CACNA1B: variants seen among roughly 807,000 people sequenced by gnomAD.
CACNA1B encodes the protein voltage-dependent N-type calcium channel subunit alpha-1B.
Under a neutral mutation model 247.2 loss-of-function variants are expected in CACNA1B, and 70 were observed. The ratio of observed to expected loss-of-function variants is 0.28; its 90% CI spans 0.23 to 0.35. The LOEUF (loss-of-function observed/expected upper bound fraction) is 0.35. Among genes scored for constraint, CACNA1B ranks in the 10% least tolerant of loss-of-function variants. CACNA1B has a pLI of 1.00. For synonymous variants in CACNA1B, 1,231 were observed against 1,294.4 expected (o/e 0.95, Z 1.05); for missense variants, 2,367 against 3,197.4 (o/e 0.74, Z 6.26).
At chr9:137,960,412 GAGGGGAGGTCAGCCTGAGAGAC>G (rs1958004146) in intron 10 of CACNA1B, among the ~76,000 whole-genome samples, 1 of 7,628 alleles carries the variant, frequency 1.3e-4, no homozygotes, top group East Asian at 4.8e-3. Flanking sequence ...GGGGGAGGGG[GAGGGGAGGTCAGCCTGAGAGAC>G]GGAGGGGGAG....
chr9:138,015,065 G>A lies in CACNA1B; in HGVS notation c.2267+1830G>A, dbSNP rs111759894. Among the ~76,000 whole-genome samples, 1,390 of 152,214 alleles carry A rather than the reference G, an allele frequency of 9.1e-3. 8 individuals carry two copies. The highest frequency in any genetic ancestry group is 0.012 in the South Asian group (60 of 4,820). On this transcript the variant is annotated intron_variant, in intron 18 of 46. Coordinates refer to ENST00000371372, the MANE Select transcript of CACNA1B (RefSeq NM_000718.4). ...GGAAAGAGCTTCTTTTTTCCCGGGG[G>A]ACCCCTAGGTGTTCTGCCTCACGGT...
rs998482525 is a variant in CACNA1B at position 138,059,561 on chromosome 9, C to T, written c.4585-93C>T. 4.8e-5 allele frequency: 38 copies of T among 795,246 alleles called. No individual in the cohort carries two copies. The highest frequency in any genetic ancestry group is 4.0e-4 in the South Asian group (27 of 67,008). The allele number at this position is 795,246 out of a possible 1,614,324, so 49.3% of individuals were successfully genotyped here. Reference sequence around the variant, plus strand: ...TGTGCTCAGGGTCTATCACCCTCACCGCTTTCTTAATCAGGGCCACCACCT... The same window carrying T: ...TGTGCTCAGGGTCTATCACCCTCACTGCTTTCTTAATCAGGGCCACCACCT... On this transcript the variant is annotated intron_variant, in intron 30 of 46. Coordinates refer to ENST00000371372, the MANE Select transcript of CACNA1B (RefSeq NM_000718.4). This position sits in a 1 kb window ranked among gnomAD's most constrained non-coding sequence, Gnocchi z 4.2.
At chr9:137,903,375 A>T (rs1483674737) in intron 3 of CACNA1B, among the ~76,000 whole-genome samples, 4 of 151,892 alleles carry the variant, frequency 2.6e-5, no homozygotes, top group African/African-American at 9.7e-5. Context: ...AGAGAGCGAG[A>T]CTCCATCTCA....
intron 36 of CACNA1B, among the ~76,000 whole-genome samples, chr9:138,079,831 C>T (rs1421682558): frequency 4.7e-5 from 7 of 147,804 alleles, no homozygotes; most frequent in East Asian, 4.0e-4. Flanking sequence ...GCCAAAATTG[C>T]GCCACTATAC....
At chr9:137,944,412 A>C (rs1223204890) in intron 6 of CACNA1B, among the ~76,000 whole-genome samples, 1 of 152,180 alleles carries the variant, frequency 6.6e-6, no homozygotes, top group Non-Finnish European at 1.5e-5. Flanking sequence ...GGAGAGCCTC[A>C]AGAAACTTAG....
At position 137,973,920 on chromosome 9, in the gene CACNA1B, G is replaced by T. The variant is rs193000398; in HGVS notation, c.1544-1987G>T. 1.6e-4 allele frequency among the ~76,000 whole-genome samples: 25 copies of T among 152,236 alleles called. No individual in the cohort carries two copies. The highest frequency in any genetic ancestry group is 5.8e-4 in the African/African-American group (24 of 41,524). On this transcript the variant is annotated intron_variant, in intron 11 of 46. Coordinates refer to ENST00000371372, the MANE Select transcript of CACNA1B (RefSeq NM_000718.4). The surrounding 1 kb of genome is among the most constrained non-coding windows in gnomAD (Gnocchi z 4.1). ...TTCCTTGCAAAGTGCTCTCACTTTG[G>T]TCTCCTGGGGAGCAAGGTGTGTGCC...
In CACNA1B at chr9:138,073,503, C is replaced by G; in HGVS notation, c.4690C>G (p.Leu1564Val). Residue 1564 changes from leucine (L) to valine (V), a missense_variant, in exon 33 of 47, where the codon CTC (leucine) becomes GTC (valine). By Grantham distance (32) the Leu-to-Val change is conservative. Transcript: ENST00000371372. The surrounding 1 kb of genome is among the most constrained non-coding windows in gnomAD (Gnocchi z 6.4). ...TTCTCTGCAGAACAATTTCATCAAC[C>G]TCAGCTTCCTCCGCCTCTTTCGAGC... ...EIAETNNFINLSFLRLFRAAR... is the reference protein window; with the variant it reads ...EIAETNNFINVSFLRLFRAAR... 6.2e-7 allele frequency: 1 copy of G among 1,611,216 alleles called. No individual in the cohort carries two copies. The highest frequency in any genetic ancestry group is 8.5e-7 in the Non-Finnish European group (1 of 1,177,450).
In CACNA1B at chr9:138,100,036, G is replaced by A. The variant is rs746672288; in HGVS notation, c.5223-2675G>A. Among the ~76,000 whole-genome samples, 31 of 152,282 alleles carry A rather than the reference G, an allele frequency of 2.0e-4. No homozygotes were observed. The highest frequency in any genetic ancestry group is 4.3e-4 in the Non-Finnish European group (29 of 68,056). ...TTGGCAGTGAGACCACATGGTGACT[G>A]TAGCTCAAGGCCAGGGCATTTCTGA... On this transcript the variant is annotated intron_variant, in intron 37 of 46. Transcript: ENST00000371372. The surrounding 1 kb of genome is among the most constrained non-coding windows in gnomAD (Gnocchi z 4.6).
chr9:138,015,212 A>G (rs1173211468), intron 18 of CACNA1B, among the ~76,000 whole-genome samples: 1 of 152,014 alleles, frequency 6.6e-6, no homozygotes, highest in East Asian at 1.9e-4. Context: ...GTCAGCCCCC[A>G]TGGTCCCTGC....
intron 32 of CACNA1B, among the ~76,000 whole-genome samples, chr9:138,071,478 G>C (rs1960131206): frequency 6.6e-6 from 1 of 152,162 alleles, no homozygotes. Context: ...CTGGCATGGT[G>C]CTCGGCCTGC....
chr9:137,984,044 G>A (rs913929020), intron 12 of CACNA1B, 94 bp from the exon 13 acceptor site: 6 of 875,162 alleles, frequency 6.9e-6, no homozygotes, highest in African/African-American at 3.3e-5. Flanking sequence ...GGTTCCTTAC[G>A]GAGAGGTGCA....
At chr9:137,894,339 T>C (rs1957147212) in intron 3 of CACNA1B, among the ~76,000 whole-genome samples, 1 of 148,210 alleles carries the variant, frequency 6.7e-6, no homozygotes, top group Non-Finnish European at 1.5e-5. Context: ...CTGATAGATA[T>C]GTCGTGATCG....
At position 138,102,788 on chromosome 9, in the gene CACNA1B, C is replaced by G; in HGVS notation, c.5300C>G (p.Pro1767Arg). ...SPPLGLGKKCPARVAYKRLVR... is the reference protein window; with the variant it reads ...SPPLGLGKKCRARVAYKRLVR... Reference sequence around the variant, plus strand: ...CCTCTGGGGCTGGGGAAGAAATGCCCTGCTCGAGTTGCTTACAAGGTAGAC... The same window carrying G: ...CCTCTGGGGCTGGGGAAGAAATGCCGTGCTCGAGTTGCTTACAAGGTAGAC... Residue 1767 changes from proline to arginine, a missense_variant, in exon 38 of 47, where the codon CCT (proline) becomes CGT (arginine). Around this residue, in one of 12 missense-constraint regions of CACNA1B, gnomAD observed 55 missense variants for 107.8 expected, o/e 0.51. Transcript: ENST00000371372. This position sits in a 1 kb window ranked among gnomAD's most constrained non-coding sequence, Gnocchi z 5.4. 1 of 1,611,644 alleles carries G rather than the reference C, an allele frequency of 6.2e-7. No homozygotes were observed. The highest frequency in any genetic ancestry group is 2.2e-5 in the East Asian group (1 of 44,806).
At chr9:137,966,827 C>T (rs551442425) in intron 10 of CACNA1B, among the ~76,000 whole-genome samples, 5 of 152,124 alleles carry the variant, frequency 3.3e-5, no homozygotes, top group South Asian at 2.1e-4. Flanking sequence ...CGTGAGCCAC[C>T]GCACCCAGCC....
chr9:137,930,079 G>C (rs1168076579), intron 6 of CACNA1B, among the ~76,000 whole-genome samples: 1 of 152,140 alleles, frequency 6.6e-6, no homozygotes, highest in Non-Finnish European at 1.5e-5. Context: ...TTACAGGCAT[G>C]AGCCACCGCA....
rs1959559518 is a variant in CACNA1B at position 138,057,617 on chromosome 9, A to G, written c.3969-115A>G. 2 of 970,936 alleles carry G rather than the reference A, an allele frequency of 2.1e-6. No homozygotes were observed. The highest frequency in any genetic ancestry group is 3.3e-5 in the African/African-American group (2 of 61,110). 60.1% of individuals were successfully genotyped at this position (970,936 alleles called of 1,614,324 possible). A position where few individuals can be genotyped will look rare whatever the true frequency, so the allele number is the denominator to read the frequency against. ...CATGTGGACATCCAGTTTTCCCAGC[A>G]CAGTCTGTTGGAGAGGCCATTCTTT... On this transcript the variant is annotated intron_variant, in intron 26 of 46. Transcript: ENST00000371372. The surrounding 1 kb of genome is among the most constrained non-coding windows in gnomAD (Gnocchi z 4.0).
rs138863358 is a variant in CACNA1B, at chr9:138,078,164, A to G, written c.5000A>G (p.Asn1667Ser). The change falls in exon 36 of 47, where the codon AAC (asparagine) becomes AGC (serine). Residue 1667 changes from asparagine to serine, a missense_variant. Asn to Ser is a conservative substitution (Grantham distance 46, BLOSUM62 1). Around this residue, in one of 12 missense-constraint regions of CACNA1B, gnomAD observed 436 missense variants for 679.5 expected, o/e 0.64. Coordinates refer to ENST00000371372, the MANE Select transcript of CACNA1B (RefSeq NM_000718.4). Reference protein sequence around the residue: ...WHEIMLSCLSNQACDEQANAT... With the variant: ...WHEIMLSCLSSQACDEQANAT... ...GAGATCATGCTGTCCTGCCTGAGCA[A>G]CCAGGCCTGTGATGAGCAGGCCAAT... The G allele has an allele frequency of 4.2e-4, 680 of 1,613,766 alleles. 13 individuals are homozygous for G. The East Asian group carries it at 0.015, about 35-fold the overall frequency.
At position 137,882,897 on chromosome 9, in the gene CACNA1B, G is replaced by C. The variant is rs762965933; in HGVS notation, c.530+14G>C. The C allele has an allele frequency of 6.2e-7, 1 of 1,612,008 alleles. No individual in the cohort carries two copies. On this transcript the variant is annotated intron_variant, in intron 3 of 46. Transcript: ENST00000371372. This position sits in a 1 kb window ranked among gnomAD's most constrained non-coding sequence, Gnocchi z 4.0. The stretch of plus-strand genomic sequence containing the variant: ...CGTCCTCACAGGGTAGGCAAGCTGA[G>C]GCCAGGAGGCCCAGCGTGTGAGGCC...
Position 138,120,679 on chromosome 9 carries a change from C to A in CACNA1B, c.6287C>A (p.Thr2096Lys). ...GPGLPPGEGPTGCRRERERRQ... is the reference protein window; with the variant it reads ...GPGLPPGEGPKGCRRERERRQ... Reference sequence around the variant, plus strand: ...GGGCTGCCCCCGGGAGAGGGGCCTACAGGCTGCCGGCGGGAACGAGAGCGC... The same window carrying A: ...GGGCTGCCCCCGGGAGAGGGGCCTAAAGGCTGCCGGCGGGAACGAGAGCGC... The change falls in exon 46 of 47, where the codon ACA (threonine) becomes AAA (lysine). Residue 2096 changes from threonine to lysine, a missense_variant. Around this residue, in one of 12 missense-constraint regions of CACNA1B, gnomAD observed 773 missense variants for 779.4 expected, o/e 0.99. Coordinates refer to ENST00000371372, the MANE Select transcript of CACNA1B (RefSeq NM_000718.4). 1.3e-6 allele frequency: 2 copies of A among 1,516,034 alleles called. No homozygotes were observed. The highest frequency in any genetic ancestry group is 2.6e-5 in the Admixed American group (1 of 38,948). 93.9% of individuals were successfully genotyped at this position (1,516,034 alleles called of 1,614,324 possible). A position where few individuals can be genotyped will look rare whatever the true frequency, so the allele number is the denominator to read the frequency against.
Sources: allele counts gnomAD v4.1 joint callset (sites outside exome capture counted in the v4.1 genomes callset), GRCh38; gene constraint gnomAD v4.1.1; regional missense constraint gnomAD v4.1.1; non-coding constraint Gnocchi (gnomAD v3.1); transcripts MANE v1.5; gene names NCBI Gene and HGNC (gene_info 2026-07-23, HGNC 2026-07-21).